RBFOX1: variants seen among roughly 807,000 people sequenced by gnomAD.
RBFOX1 encodes RNA binding protein fox-1 homolog 1.
Under a neutral mutation model 57.7 loss-of-function variants are expected in RBFOX1, and 8 were observed. The ratio of observed to expected loss-of-function variants is 0.14; its 90% CI spans 0.08 to 0.25. RBFOX1 has a LOEUF of 0.25. RBFOX1 is among the 10% of genes least tolerant of loss of function. RBFOX1 has a pLI of 1.00. For missense variants in RBFOX1, 611 were observed against 548.5 expected, an observed-to-expected ratio of 1.11 and a Z score of -1.14; for synonymous variants, 326 against 222.4, an observed-to-expected ratio of 1.47 and a Z score of -4.15.
intron 3 of RBFOX1, among the ~76,000 whole-genome samples, chr16:6,889,849 T>C (rs79383803): frequency 0.013 from 2,028 of 152,320 alleles, 47 homozygotes; most frequent in African/African-American, 0.046. Flanking sequence ...GGAAACAAGA[T>C]TGAATCATAG....
At chr16:6,288,361 G>A (rs574149999) in intron 1 of RBFOX1, among the ~76,000 whole-genome samples, 1 of 152,116 alleles carries the variant, frequency 6.6e-6, no homozygotes, top group Non-Finnish European at 1.5e-5. Flanking sequence ...ATTCAGATTT[G>A]GAAGTTCTGG....
At chr16:5,310,623 G>C (rs1255152611) in intron 1 of RBFOX1, among the ~76,000 whole-genome samples, 1 of 152,172 alleles carries the variant, frequency 6.6e-6, no homozygotes, top group African/African-American at 2.4e-5. Context: ...TGTAAGGTTA[G>C]AATCGATTCC....
intron 3 of RBFOX1, among the ~76,000 whole-genome samples, chr16:5,685,031 T>C (rs2050462447): frequency 6.6e-6 from 1 of 152,096 alleles, no homozygotes; most frequent in Admixed American, 6.5e-5. Context: ...GTAAAGTGCA[T>C]GCGATAGAAG....
intron 4 of RBFOX1, among the ~76,000 whole-genome samples, chr16:7,055,678 C>T (rs530920880): frequency 9.2e-5 from 14 of 152,318 alleles, no homozygotes; most frequent in South Asian, 6.2e-4. Flanking sequence ...GGAATCTCAG[C>T]GATTGGCTAC....
chr16:7,201,270 G>C (rs2088350441), intron 4 of RBFOX1, among the ~76,000 whole-genome samples: 2 of 152,244 alleles, frequency 1.3e-5, no homozygotes, highest in South Asian at 4.1e-4. Context: ...ACACAGCATA[G>C]CAGAGAAACA....
intron 10 of RBFOX1, among the ~76,000 whole-genome samples, chr16:7,619,316 T>C (rs1364662503): frequency 6.6e-6 from 1 of 152,178 alleles, no homozygotes; most frequent in East Asian, 1.9e-4. Context: ...TTTTTGAAAA[T>C]GATTTTCACT....
chr16:7,321,953 G>A (rs1290968507), intron 4 of RBFOX1, among the ~76,000 whole-genome samples: 2 of 152,306 alleles, frequency 1.3e-5, no homozygotes, highest in African/African-American at 4.8e-5. Context: ...AGGTTCAGCT[G>A]CACAGCTTGG....
chr16:6,773,653 G>C (rs1448403854), intron 3 of RBFOX1, among the ~76,000 whole-genome samples: 2 of 74,782 alleles, frequency 2.7e-5, no homozygotes, highest in Non-Finnish European at 4.5e-5. Context: ...TGTGGGTGTG[G>C]GGTCTATTTG....
intron 3 of RBFOX1, among the ~76,000 whole-genome samples, chr16:6,965,314 GTT>G (rs1050584498): frequency 3.1e-4 from 41 of 133,514 alleles, no homozygotes; most frequent in Middle Eastern, 8.1e-3. Flanking sequence ...TTTTTCTTTT[GTT>G]GTGTGTGTGT....
intron 3 of RBFOX1, among the ~76,000 whole-genome samples, chr16:6,862,970 G>T (rs1367665068): frequency 7.1e-6 from 1 of 140,322 alleles, no homozygotes. Context: ...GGGCGACAGA[G>T]GGAGACTCTG....
intron 3 of RBFOX1, among the ~76,000 whole-genome samples, chr16:6,698,804 A>T (rs551892520): frequency 7.9e-5 from 12 of 152,172 alleles, no homozygotes; most frequent in Non-Finnish European, 1.6e-4. Flanking sequence ...ATGGTGAGAA[A>T]TGTGAATCCC....
intron 2 of RBFOX1, among the ~76,000 whole-genome samples, chr16:6,404,664 A>G (rs901219662): frequency 3.9e-5 from 6 of 152,118 alleles, no homozygotes; most frequent in African/African-American, 1.4e-4. Context: ...CTTCAGTGCT[A>G]GAACAGGGAG....
chr16:6,733,757 T>TA (rs111588735), intron 3 of RBFOX1, among the ~76,000 whole-genome samples: 130 of 151,470 alleles, frequency 8.6e-4, no homozygotes, highest in African/African-American at 3.1e-3. Flanking sequence ...GACCCTGCCT[T>TA]AAAAAAAAAT....
At chr16:6,970,079 G>A (rs190348130) in intron 3 of RBFOX1, among the ~76,000 whole-genome samples, 1 of 152,116 alleles carries the variant, frequency 6.6e-6, no homozygotes, top group Non-Finnish European at 1.5e-5. Flanking sequence ...TTGGGAGGCT[G>A]AGGCAGGAAG....
intron 3 of RBFOX1, among the ~76,000 whole-genome samples, chr16:6,836,329 A>T (rs1047881743): frequency 2.8e-5 from 4 of 144,896 alleles, no homozygotes; most frequent in African/African-American, 1.2e-4. Context: ...ACTCCAAAGA[A>T]AGAAAACTGC....
chr16:7,188,089 G>T lies in RBFOX1; in HGVS notation c.27+135991G>T, dbSNP rs574500294. Reference sequence around the variant, plus strand: ...GTTTCTCACATTTTTTGCATGCAATGTGGAATATTTGGTAATTGTGTTTAA... The same window carrying T: ...GTTTCTCACATTTTTTGCATGCAATTTGGAATATTTGGTAATTGTGTTTAA... On this transcript the variant is annotated intron_variant, in intron 4 of 15. Transcript: ENST00000550418. Among the ~76,000 whole-genome samples, 18 of 152,296 alleles carry T rather than the reference G, an allele frequency of 1.2e-4. No individual in the cohort carries two copies. The East Asian group carries it at 3.1e-3, about 26-fold the overall frequency.
Position 6,865,211 on chromosome 16 carries a change from C to T in RBFOX1, c.-15-186846C>T, listed in dbSNP as rs181981233. Among the ~76,000 whole-genome samples the T allele has an allele frequency of 3.0e-3, 457 of 151,932 alleles. 6 individuals are homozygous for T. The highest frequency in any genetic ancestry group is 0.024 in the Admixed American group (359 of 15,258). On this transcript the variant is annotated intron_variant, in intron 3 of 15. Transcript: ENST00000550418. ...AGAGATGGGGTTTTGCCATGTTGGC[C>T]AGGCTGGTCTCGAACTCCTGACCTC...
At chr16:5,968,833 T>C (rs918756237) in intron 4 of RBFOX1, among the ~76,000 whole-genome samples, 5 of 152,146 alleles carry the variant, frequency 3.3e-5, no homozygotes, top group Admixed American at 3.3e-4. Context: ...CAAGGACTCT[T>C]ATCTCTATTT....
chr16:7,006,773 C>T (rs762246035), intron 3 of RBFOX1, among the ~76,000 whole-genome samples: 5 of 152,128 alleles, frequency 3.3e-5, no homozygotes, highest in Admixed American at 6.6e-5. Context: ...AAAAAGTAAA[C>T]CCTATGCAGA....
Sources: gnomAD v4.1 joint callset for allele counts (sites outside exome capture counted in the v4.1 genomes callset) on GRCh38, gnomAD v4.1.1 for gene constraint, MANE v1.5 for transcripts, NCBI Gene and HGNC (gene_info 2026-07-23, HGNC 2026-07-21) for gene names.